The following RBFOX1 variants were observed in gnomAD, a reference collection of about 807,000 sequenced individuals.
The protein encoded by RBFOX1 is RNA binding protein fox-1 homolog 1.
Under a neutral mutation model 57.7 loss-of-function variants are expected in RBFOX1, and 8 were observed. That is an observed-to-expected ratio of 0.14 (90% CI 0.08 to 0.25). RBFOX1 has a LOEUF of 0.25. Among genes scored for constraint, RBFOX1 ranks in the 10% least tolerant of loss-of-function variants. RBFOX1 has a pLI of 1.00. For missense variants in RBFOX1, 611 were observed against 548.5 expected (o/e 1.11, Z -1.14); for synonymous variants, 326 against 222.4 (o/e 1.47, Z -4.15).
intron 4 of RBFOX1, among the ~76,000 whole-genome samples, chr16:7,124,993 G>T (rs1279654996): frequency 6.6e-6 from 1 of 152,166 alleles, no homozygotes; most frequent in Non-Finnish European, 1.5e-5. Context: ...CTCACGGACT[G>T]AGAGGTAGAC....
At chr16:6,832,897 C>T (rs1049290253) in intron 3 of RBFOX1, among the ~76,000 whole-genome samples, 1 of 152,200 alleles carries the variant, frequency 6.6e-6, no homozygotes, top group Non-Finnish European at 1.5e-5. Context: ...GACAGGCGAA[C>T]TAGTGTATCT....
chr16:5,798,953 G>T (rs1420225804), intron 3 of RBFOX1, among the ~76,000 whole-genome samples: 1 of 152,034 alleles, frequency 6.6e-6, no homozygotes, highest in Admixed American at 6.5e-5. Flanking sequence ...GCAAGATCTC[G>T]GGTGAGCCAC....
At chr16:5,547,439 C>G (rs764257710) in intron 2 of RBFOX1, among the ~76,000 whole-genome samples, 2 of 152,180 alleles carry the variant, frequency 1.3e-5, no homozygotes, top group Non-Finnish European at 1.5e-5. Flanking sequence ...AAGGAATGAG[C>G]TATCTATACA....
intron 3 of RBFOX1, among the ~76,000 whole-genome samples, chr16:5,856,208 C>CAT (rs2057040042): frequency 6.7e-4 from 19 of 28,528 alleles, no homozygotes; most frequent in East Asian, 1.9e-3. Flanking sequence ...TATATATATA[C>CAT]ATATATATGT....
chr16:5,862,542 C>T (rs1597541434), intron 3 of RBFOX1, among the ~76,000 whole-genome samples: 1 of 152,236 alleles, frequency 6.6e-6, no homozygotes, highest in Admixed American at 6.5e-5. Context: ...AGACAGTCAC[C>T]CACTGCGTGT....
At chr16:6,619,363 A>T (rs1219234993) in intron 2 of RBFOX1, among the ~76,000 whole-genome samples, 1 of 152,172 alleles carries the variant, frequency 6.6e-6, no homozygotes, top group African/African-American at 2.4e-5. Context: ...CTCTTTAAAT[A>T]GCCATCTATG....
intron 1 of RBFOX1, among the ~76,000 whole-genome samples, chr16:6,195,519 A>T (rs2097174214): frequency 6.6e-6 from 1 of 152,082 alleles, no homozygotes; most frequent in African/African-American, 2.4e-5. Context: ...GGATTTCGAG[A>T]CCAGCCTGAC....
At chr16:6,673,878 A>G (rs570521156) in intron 3 of RBFOX1, among the ~76,000 whole-genome samples, 20 of 152,208 alleles carry the variant, frequency 1.3e-4, no homozygotes, top group Non-Finnish European at 2.9e-4. Context: ...GAGAAGAAGC[A>G]AACACTTGTT....
intron 4 of RBFOX1, among the ~76,000 whole-genome samples, chr16:7,312,646 G>A (rs1195349277): frequency 2.0e-5 from 3 of 152,026 alleles, no homozygotes; most frequent in Non-Finnish European, 4.4e-5. Flanking sequence ...ATTGTAATAT[G>A]GCTACACAGC....
At chr16:7,439,054 G>C (rs1257980695) in intron 4 of RBFOX1, among the ~76,000 whole-genome samples, 2 of 152,042 alleles carry the variant, frequency 1.3e-5, no homozygotes, top group East Asian at 1.9e-4. Context: ...TTGTTTTGTT[G>C]AGCCAACGCA....
At position 7,710,302 on chromosome 16, in the gene RBFOX1, C is replaced by T. The variant is rs968251303; in HGVS notation, c.1072-321C>T. The T allele has an allele frequency of 1.0e-5, 12 of 1,155,036 alleles. No individual in the cohort carries two copies. The African/African-American group carries it at 1.6e-4, about 16-fold the overall frequency. 71.5% of individuals were successfully genotyped at this position (1,155,036 alleles called of 1,614,324 possible). A position where few individuals can be genotyped will look rare whatever the true frequency, so the allele number is the denominator to read the frequency against. ...TTACATTCAACAACTGGTCCAAATT[C>T]AACCTCAAGTGCAGATTATTCTGTT... On this transcript the variant is annotated intron_variant, in intron 15 of 15. Transcript: ENST00000550418.
At chr16:5,651,707 A>C (rs1037435095) in intron 3 of RBFOX1, among the ~76,000 whole-genome samples, 1 of 152,120 alleles carries the variant, frequency 6.6e-6, no homozygotes, top group Admixed American at 6.5e-5. Context: ...ATGGATACCC[A>C]TCCCTGCCTG....
rs867098431 is a variant in RBFOX1 at position 5,947,864 on chromosome 16, G to T, written c.351+80529G>T. Among the ~76,000 whole-genome samples, 3 of 152,160 alleles carry T rather than the reference G, an allele frequency of 2.0e-5. No homozygotes were observed. The highest frequency in any genetic ancestry group is 1.5e-5 in the Non-Finnish European group (1 of 68,044). Reference sequence around the variant, plus strand: ...CTAAAAGTACCTGTTGTAATTACCGGGCCACCCGTAACGGGAGTTTATGTA... The same window carrying T: ...CTAAAAGTACCTGTTGTAATTACCGTGCCACCCGTAACGGGAGTTTATGTA... On this transcript the variant is annotated intron_variant, in intron 4 of 19. Coordinates refer to the RBFOX1 transcript ENST00000641259. The surrounding 1 kb of genome is among the most constrained non-coding windows in gnomAD (Gnocchi z 7.2).
At chr16:7,187,564 C>G (rs868613137) in intron 4 of RBFOX1, among the ~76,000 whole-genome samples, 104 of 151,246 alleles carry the variant, frequency 6.9e-4, no homozygotes, top group African/African-American at 2.5e-3. Flanking sequence ...TGGCGGGCGC[C>G]TGTAGTCCCA....
intron 1 of RBFOX1, among the ~76,000 whole-genome samples, chr16:5,414,586 G>A (rs1185792595): frequency 6.6e-6 from 1 of 152,156 alleles, no homozygotes; most frequent in Non-Finnish European, 1.5e-5. Context: ...GTGGGTTGGT[G>A]TCCAGCTTCC....
intron 3 of RBFOX1, among the ~76,000 whole-genome samples, chr16:5,810,929 T>C (rs146599222): frequency 7.1e-4 from 108 of 152,232 alleles, no homozygotes; most frequent in African/African-American, 2.5e-3. Context: ...ATTGGGTAAG[T>C]ATTGAGCTTT....
chr16:6,771,367 A>T (rs185068414), intron 3 of RBFOX1, among the ~76,000 whole-genome samples: 1 of 152,286 alleles, frequency 6.6e-6, no homozygotes, highest in Non-Finnish European at 1.5e-5. Context: ...TATGATGCAG[A>T]TAGTACACAG....
chr16:6,750,941 C>A lies in RBFOX1; in HGVS notation c.-16+96291C>A, dbSNP rs564855550. On this transcript the variant is annotated intron_variant, in intron 3 of 15. Transcript: ENST00000550418. Reference sequence around the variant, plus strand: ...CTAGGGAAGTGCTCTTGGAGAAGAACCCATTTAAGCAGAGGTCTGAGTGAT... The same window carrying A: ...CTAGGGAAGTGCTCTTGGAGAAGAAACCATTTAAGCAGAGGTCTGAGTGAT... 7.2e-5 allele frequency among the ~76,000 whole-genome samples: 11 copies of A among 152,124 alleles called. 1 individual carries two copies. The South Asian group carries it at 2.1e-3, about 29-fold the overall frequency.
At chr16:5,281,002 G>A (rs1386170066) in intron 1 of RBFOX1, among the ~76,000 whole-genome samples, 2 of 151,748 alleles carry the variant, frequency 1.3e-5, no homozygotes, top group Non-Finnish European at 2.9e-5. Context: ...CTTGCTTTTT[G>A]AGTTCCTTGA....
Sources: gnomAD v4.1 joint callset for allele counts (sites outside exome capture counted in the v4.1 genomes callset) on GRCh38, gnomAD v4.1.1 for gene constraint, Gnocchi (gnomAD v3.1) non-coding constraint, MANE v1.5 for transcripts, NCBI Gene and HGNC (gene_info 2026-07-23, HGNC 2026-07-21) for gene names.